Variants in S100A8 observed in about 807,000 individuals in gnomAD.
S100A8 encodes protein S100-A8.
In S100A8, 1 loss-of-function variant was observed where a neutral mutation model predicts 4.2. That is an observed-to-expected ratio of 0.24 (90% CI 0.08 to 1.12). The LOEUF is 1.12. Ranked by LOEUF, S100A8 falls within the 50% of genes most tolerant of loss-of-function variation. The pLI is 0.53. For synonymous variants in S100A8, 41 were observed against 44.7 expected, an observed-to-expected ratio of 0.92 and a Z score of 0.33; for missense variants, 96 against 111.8, an observed-to-expected ratio of 0.86 and a Z score of 0.64.
the S100A8 span, among the ~76,000 whole-genome samples, chr1:153,416,920 C>G: frequency 6.6e-6 from 1 of 152,360 alleles, no homozygotes; most frequent in East Asian, 1.9e-4. Context: ...AGCTCTGCCC[C>G]CACAGAGGGA....
rs375159557 is a variant in S100A8 at position 153,390,380 on chromosome 1, C to G, written c.141+15G>C. 9 of 1,613,512 alleles carry G rather than the reference C, an allele frequency of 5.6e-6. No individual in the cohort carries two copies. In the African/African-American group the frequency reaches 9.3e-5, roughly 17 times the overall value. ...ACCAGGCAGAGAGCCCCCGCCACAC[C>G]CAGCCCCTCCTCACCCTGATATACT... On this transcript the variant is annotated intron_variant, in intron 2 of 2. Coordinates refer to ENST00000368733, the MANE Select transcript of S100A8 (RefSeq NM_002964.5).
chr1:153,415,240 G>A, the S100A8 span, among the ~76,000 whole-genome samples: 6 of 151,844 alleles, frequency 4.0e-5, no homozygotes, highest in African/African-American at 9.7e-5. Flanking sequence ...CCGTCATATG[G>A]GAAACTGGGA....
chr1:153,407,784 T>A, the S100A8 span, among the ~76,000 whole-genome samples: 7 of 152,210 alleles, frequency 4.6e-5, no homozygotes, highest in South Asian at 1.5e-3. Context: ...AGAGGAACAA[T>A]CAGGAACCAA....
At chr1:153,401,121 A>G in the S100A8 span, among the ~76,000 whole-genome samples, 1 of 152,256 alleles carries the variant, frequency 6.6e-6, no homozygotes, top group African/African-American at 2.4e-5. Context: ...GCTTAATGTT[A>G]TGCTGTGGAC....
At chr1:153,391,215 G>A (rs1662089701), upstream of S100A8, 1 of 985,348 alleles carries the variant, frequency 1.0e-6, no homozygotes, top group Non-Finnish European at 1.2e-6. Flanking sequence ...CAATCACTGT[G>A]CAGAATGAAA....
chr1:153,419,332 C>G, the S100A8 span: 1 of 1,607,504 alleles, frequency 6.2e-7, no homozygotes, highest in Admixed American at 1.7e-5. Flanking sequence ...AAGGGGCCTC[C>G]AGAGACCCCA....
At chr1:153,402,701 G>A in the S100A8 span, among the ~76,000 whole-genome samples, 5 of 152,288 alleles carry the variant, frequency 3.3e-5, no homozygotes, top group Admixed American at 1.3e-4. Flanking sequence ...TCTCCCAAAC[G>A]TAACCTATAG....
chr1:153,416,142 C>A, the S100A8 span, among the ~76,000 whole-genome samples: 1 of 152,194 alleles, frequency 6.6e-6, no homozygotes, highest in Admixed American at 6.5e-5. Context: ...GCTGTCACAA[C>A]AAATGTGTGG....
chr1:153,413,248 T>C, the S100A8 span, among the ~76,000 whole-genome samples: 3 of 152,246 alleles, frequency 2.0e-5, no homozygotes, highest in Admixed American at 6.5e-5. Context: ...GGCACAAATT[T>C]ATGAATGCAC....
At chr1:153,399,766 C>A in the S100A8 span, among the ~76,000 whole-genome samples, 2 of 152,058 alleles carry the variant, frequency 1.3e-5, no homozygotes, top group Admixed American at 6.6e-5. Context: ...GGGGGACTTC[C>A]TTAGGGAGGC....
the S100A8 span, chr1:153,418,082 G>C: frequency 5.0e-6 from 8 of 1,613,710 alleles, no homozygotes; most frequent in African/African-American, 9.3e-5. Context: ...TGAAAGCAAA[G>C]ATGAGCAACA....
At chr1:153,419,344 G>A in the S100A8 span, 1 of 1,596,254 alleles carries the variant, frequency 6.3e-7, no homozygotes, top group Non-Finnish European at 8.5e-7. Flanking sequence ...GAGACCCCAG[G>A]AACAATAAGT....
the S100A8 span, among the ~76,000 whole-genome samples, chr1:153,405,143 G>A: frequency 6.6e-5 from 10 of 151,572 alleles, no homozygotes; most frequent in Non-Finnish European, 1.5e-4. Context: ...GCCCAGCCTC[G>A]TCTTAAAATT....
the S100A8 span, among the ~76,000 whole-genome samples, chr1:153,405,601 C>A: frequency 0.015 from 2,231 of 152,114 alleles, 1 homozygote; most frequent in African/African-American, 0.051. Flanking sequence ...ATCACAGGAA[C>A]ATCTTATCAA....
chr1:153,401,519 T>C, the S100A8 span, among the ~76,000 whole-genome samples: 1 of 152,204 alleles, frequency 6.6e-6, no homozygotes, highest in Admixed American at 6.5e-5. Flanking sequence ...GGACTAAGAT[T>C]GTGATCTTGA....
At chr1:153,390,802 A>G (rs1662075951) in intron 1 of S100A8, 2 of 544,424 alleles carry the variant, frequency 3.7e-6, no homozygotes, top group Non-Finnish European at 6.1e-6. Context: ...GACTTTCCTT[A>G]CCACCCCACC....
chr1:153,396,608 G>T, the S100A8 span: 1 of 152,358 alleles, frequency 6.6e-6, no homozygotes, highest in African/African-American at 2.4e-5. Context: ...AGGCTGTGTT[G>T]GGCACAGTAG....
the S100A8 span, chr1:153,419,416 A>G: frequency 4.0e-6 from 5 of 1,261,072 alleles, no homozygotes; most frequent in African/African-American, 7.6e-5. Flanking sequence ...CATTGTCAAA[A>G]CTACCAATTC....
At chr1:153,419,407 A>G in the S100A8 span, 53 of 1,357,542 alleles carry the variant, frequency 3.9e-5, no homozygotes, top group East Asian at 1.9e-4. Flanking sequence ...GGTGACCTAC[A>G]TTGTCAAAAC....
Sources: gnomAD v4.1 joint callset for allele counts (sites outside exome capture counted in the v4.1 genomes callset) on GRCh38, gnomAD v4.1.1 for gene constraint, MANE v1.5 for transcripts, NCBI Gene and HGNC (gene_info 2026-07-23, HGNC 2026-07-21) for gene names.